Variants in ZAN observed in about 807,000 individuals in gnomAD.
ZAN encodes zonadhesin (gene/pseudogene).
In ZAN, 260 loss-of-function variants were observed where a neutral mutation model predicts 286.2. The ratio of observed to expected loss-of-function variants is 0.91; its 90% CI spans 0.82 to 1.01. The LOEUF (loss-of-function observed/expected upper bound fraction) is 1.01, where lower values mean the gene tolerates loss of function less well. Ranked by LOEUF, ZAN falls within the 50% of genes least tolerant of loss-of-function variation. The pLI is 0.00. For missense variants in ZAN, 3,410 were observed against 3,639.2 expected, an observed-to-expected ratio of 0.94 and a Z score of 1.62; for synonymous variants, 1,368 against 1,417.5, an observed-to-expected ratio of 0.97 and a Z score of 0.79.
chr7:100,755,282 A>G lies in ZAN; in HGVS notation c.3181A>G (p.Ser1061Gly), dbSNP rs1339378990. ...CTGTGCTTGTCCTGCTTCGTGCAAG[A>G]GCCCCAGGCCTAGCTGTGGGCCCCT... ...ESCACPASCK[S>G]PRPSCGPLCR... Residue 1061 changes from serine to glycine, a missense_variant, in exon 15 of 48, where the codon AGC becomes GGC. By Grantham distance (56) the Ser-to-Gly change is moderately conservative (BLOSUM62 0). Around this residue, in one of 7 missense-constraint regions of ZAN, gnomAD observed 1,042 missense variants for 1,058.0 expected, o/e 0.98. Coordinates refer to ENST00000613979, the MANE Select transcript of ZAN (RefSeq NM_003386.3). The G allele has an allele frequency of 6.2e-7, 1 of 1,613,742 alleles. No homozygotes were observed. The highest frequency in any genetic ancestry group is 2.2e-5 in the East Asian group (1 of 44,886).
At chr7:100,789,402 G>A (rs1379959722) in intron 39 of ZAN, 55 bp downstream of exon 39, 14 of 1,598,540 alleles carry the variant, frequency 8.8e-6, no homozygotes, top group Non-Finnish European at 1.1e-5. Flanking sequence ...AAGTGGGAGG[G>A]AAAATCCTAT....
chr7:100,773,925 C>G, intron 31 of ZAN, 60 bp downstream of exon 31: 3 of 1,546,092 alleles, frequency 1.9e-6, no homozygotes, highest in South Asian at 2.4e-5. Flanking sequence ...TCCCAACTCC[C>G]CAACAGACTC....
At chr7:100,735,830 GCCAC>G in intron 3 of ZAN, 58 bp downstream of exon 3, 3 of 1,301,468 alleles carry the variant, frequency 2.3e-6, no homozygotes, top group Non-Finnish European at 3.2e-6. Context: ...CCCACATTCT[GCCAC>G]CAGAATGCCA....
intron 39 of ZAN, 113 bp downstream of exon 39, chr7:100,789,460 A>G: frequency 1.3e-6 from 2 of 1,500,098 alleles, no homozygotes; most frequent in Non-Finnish European, 1.8e-6. Flanking sequence ...GTAGTGGGGC[A>G]CCCAGCTTCA....
Position 100,759,852 on chromosome 7 carries a change from C to T in ZAN, c.3696+7C>T. 3.7e-6 allele frequency: 6 copies of T among 1,611,262 alleles called. No individual in the cohort carries two copies. Among genetic ancestry groups the T allele is most frequent in the Non-Finnish European group, 5.1e-6 (6 of 1,178,696 alleles). On this transcript the variant is annotated splice_region_variant and intron_variant, in intron 18 of 47. Transcript: ENST00000613979. ...TAAGGGCAGACGCACTCTGGTGAGCCCCATTCCACCCCCACCATCCTTGCA... is the reference window on the plus strand; with the variant it reads ...TAAGGGCAGACGCACTCTGGTGAGCTCCATTCCACCCCCACCATCCTTGCA...
At chr7:100,760,334 T>TG in intron 18 of ZAN, 57 bp from the exon 19 acceptor site, 1 of 1,593,224 alleles carries the variant, frequency 6.3e-7, no homozygotes, top group South Asian at 1.1e-5. Flanking sequence ...GAAAGTCTGC[T>TG]GGGGTCCTCC....
At chr7:100,772,430 A>G (rs1810436142) in intron 29 of ZAN, among the ~76,000 whole-genome samples, 3 of 151,616 alleles carry the variant, frequency 2.0e-5, no homozygotes, top group African/African-American at 7.3e-5. Flanking sequence ...AACAAAAAAC[A>G]AGAGTGAAAA....
chr7:100,747,195 T>C (rs994618718), intron 8 of ZAN, among the ~76,000 whole-genome samples: 4 of 151,944 alleles, frequency 2.6e-5, no homozygotes, highest in African/African-American at 9.7e-5. Context: ...GAGACCAGCC[T>C]GGCCAACATA....
chr7:100,788,246 G>T (rs1811706076), intron 38 of ZAN, 110 bp downstream of exon 38: 4 of 1,373,430 alleles, frequency 2.9e-6, no homozygotes, highest in Admixed American at 2.9e-5. Context: ...TGGCAGGGGT[G>T]GGCTGGTTGT....
intron 22 of ZAN, among the ~76,000 whole-genome samples, chr7:100,764,995 T>C (rs1164945379): frequency 6.6e-6 from 1 of 152,160 alleles, no homozygotes; most frequent in East Asian, 1.9e-4. Context: ...GCCCAGCTCT[T>C]TGGGGAAGCT....
rs527860663 is a variant in ZAN, at chr7:100,749,701, C to CAT, written c.1250-914_1250-913dup. ...ACACACACACACATATATATACACA[C>CAT]ATATATATATACACACACACACATA... On this transcript the variant is annotated intron_variant, in intron 11 of 47. Transcript: ENST00000613979. Among the ~76,000 whole-genome samples the CAT allele has an allele frequency of 5.3e-4, 71 of 132,752 alleles. 1 individual carries two copies. In the South Asian group the frequency reaches 0.016, roughly 31 times the overall value. The allele number at this position is 132,752 out of a possible 152,430, so 87.1% of individuals were successfully genotyped here.
intron 19 of ZAN, among the ~76,000 whole-genome samples, chr7:100,761,708 A>G (rs1310969563): frequency 6.6e-6 from 1 of 152,134 alleles, no homozygotes; most frequent in Admixed American, 6.6e-5. Context: ...GCACTCTGGG[A>G]GGCCAAGGCA....
chr7:100,738,528 T>A lies in ZAN; in HGVS notation c.681T>A (p.Thr227=), dbSNP rs201633210. The A allele has an allele frequency of 1.7e-4, 260 of 1,503,908 alleles. 42 individuals carry two copies. The highest frequency in any genetic ancestry group is 4.7e-5 in the Non-Finnish European group (52 of 1,097,514). The allele number at this position is 1,503,908 out of a possible 1,614,324, so 93.2% of individuals were successfully genotyped here. A position where few individuals can be genotyped will look rare whatever the true frequency, so the allele number is the denominator to read the frequency against. Residue 227 remains threonine (T), a synonymous_variant, in exon 7 of 48, where the codon ACT becomes ACA. Coordinates refer to ENST00000613979, the MANE Select transcript of ZAN (RefSeq NM_003386.3). ...NDLCDWTWIP[T]ASGAKWTQKK... ...TCTGTGACTGGACCTGGATCCCAAC[T>A]GCCTCCGGGGCCAAGTGGACTCAGA... is the stretch of plus-strand genomic sequence containing the variant.
chr7:100,752,841 A>G lies in ZAN; in HGVS notation c.2736A>G (p.Lys912=). The G allele has an allele frequency of 6.2e-7, 1 of 1,602,260 alleles. No homozygotes were observed. ...AAAAACCCACCATCTCCCCAGAAAA[A>G]CCCACCATCTCCACGGAAAAACCCA... ...PTEKPTISPE[K]PTISTEKPTI... The change falls in exon 14 of 48, where the codon AAA becomes AAG. Residue 912 remains lysine, a synonymous_variant. Coordinates refer to ENST00000613979, the MANE Select transcript of ZAN (RefSeq NM_003386.3).
Position 100,793,997 on chromosome 7 carries a change from C to A in ZAN, c.7965C>A (p.Thr2655=). The change falls in exon 43 of 48, where the codon ACC becomes ACA. Residue 2655 remains threonine (T), a synonymous_variant. Coordinates refer to ENST00000613979, the MANE Select transcript of ZAN (RefSeq NM_003386.3). ...PEPPLADCGC[T]SNGIYYQLGS... The stretch of plus-strand genomic sequence containing the variant: ...CTCCCCTGGCTGACTGTGGCTGCAC[C>A]AGCAATGGCATCTACTACCAGGTCT... 6 of 1,613,512 alleles carry A rather than the reference C, an allele frequency of 3.7e-6. No homozygotes were observed. The highest frequency in any genetic ancestry group is 5.1e-6 in the Non-Finnish European group (6 of 1,179,752).
chr7:100,743,694 T>C (rs1807976626), intron 7 of ZAN, among the ~76,000 whole-genome samples: 1 of 151,388 alleles, frequency 6.6e-6, no homozygotes, highest in Non-Finnish European at 1.5e-5. Context: ...CTGGAACATA[T>C]AGTGAGATCT....
At position 100,791,112 on chromosome 7, in the gene ZAN, A is replaced by G; in HGVS notation, c.7528A>G (p.Arg2510Gly). 1 of 1,610,288 alleles carries G rather than the reference A, an allele frequency of 6.2e-7. No individual in the cohort carries two copies. The highest frequency in any genetic ancestry group is 8.5e-7 in the Non-Finnish European group (1 of 1,179,148). Residue 2510 changes from arginine (R) to glycine (G), a missense_variant and splice_region_variant, in exon 40 of 48, where the codon AGG (arginine) becomes GGG (glycine). Arg to Gly is a moderately radical substitution (Grantham distance 125). This residue lies in a region of ZAN where 1,289 missense variants were observed against 1,314.3 expected (regional missense o/e 0.98). Coordinates refer to ENST00000613979, the MANE Select transcript of ZAN (RefSeq NM_003386.3). Reference sequence around the variant, plus strand: ...CGAGGACGCACTCCTGCGCTTCCCCAGGTGCACGGCCTGGAAGGGATGAGG... The same window carrying G: ...CGAGGACGCACTCCTGCGCTTCCCCGGGTGCACGGCCTGGAAGGGATGAGG... ...KTEDALLRFPRAIPAEEEGQG... is the reference protein window; with the variant it reads ...KTEDALLRFPGAIPAEEEGQG...
Position 100,786,105 on chromosome 7 carries a change from A to C in ZAN, c.6943A>C (p.Thr2315Pro). ...CCCCTCTGGGTCCCACTGCCAGCTC[A>C]CTTCCGACAACAGCAACAGCAATTG... ...RCPSGSHCQL[T>P]SDNSNSNCVS... is the part of the protein sequence containing the mutation. The change falls in exon 37 of 48, where the codon ACT becomes CCT. Residue 2315 changes from threonine to proline, a missense_variant. Physicochemically the swap from Thr to Pro is conservative, Grantham distance 38. Coordinates refer to ENST00000613979, the MANE Select transcript of ZAN (RefSeq NM_003386.3). 1 of 1,613,890 alleles carries C rather than the reference A, an allele frequency of 6.2e-7. No individual in the cohort carries two copies.
At chr7:100,767,748 G>A in intron 25 of ZAN, 83 bp from the exon 26 acceptor site, 2 of 1,480,498 alleles carry the variant, frequency 1.4e-6, no homozygotes, top group East Asian at 2.3e-5. Flanking sequence ...AAAGTGCTGG[G>A]TTTGCAGGCA....
Sources: gnomAD v4.1 joint callset for allele counts (sites outside exome capture counted in the v4.1 genomes callset) on GRCh38, gnomAD v4.1.1 for gene constraint, gnomAD v4.1.1 regional missense constraint, MANE v1.5 for transcripts, NCBI Gene and HGNC (gene_info 2026-07-23, HGNC 2026-07-21) for gene names.